The following PRMT9 variants were observed in gnomAD, a reference collection of about 807,000 sequenced individuals.
PRMT9 encodes protein arginine N-methyltransferase 9.
A neutral mutation model predicts 83.2 loss-of-function variants in PRMT9; 59 were observed. The ratio of observed to expected loss-of-function variants is 0.71; its 90% CI spans 0.57 to 0.88. The LOEUF is 0.88. PRMT9 is among the 40% of genes least tolerant of loss of function. The probability of loss-of-function intolerance (pLI) is 0.00; values close to 1 mark genes in which losing one functional copy is unlikely to be tolerated. For synonymous variants in PRMT9, 333 were observed against 353.2 expected (o/e 0.94, Z 0.64); for missense variants, 947 against 1,021.9 (o/e 0.93, Z 1.00).
chr4:147,658,962 G>A (rs578039751), intron 7 of PRMT9, among the ~76,000 whole-genome samples: 54 of 152,144 alleles, frequency 3.5e-4, no homozygotes, highest in African/African-American at 1.1e-3. Context: ...GACGGATCAC[G>A]AGGCCAGGAG....
Position 147,659,640 on chromosome 4 carries a change from G to A in PRMT9, c.1146+1206C>T, listed in dbSNP as rs368043422. 1.3e-4 allele frequency among the ~76,000 whole-genome samples: 19 copies of A among 141,122 alleles called. No homozygotes were observed. The East Asian group carries it at 3.0e-3, about 22-fold the overall frequency. 92.6% of individuals were successfully genotyped at this position (141,122 alleles called of 152,430 possible). Reference sequence around the variant, plus strand: ...GTTGCTCAGGCTGGGGTGCAATGGCGCAATTTTGGCTCATGCAAACTCCGC... The same window carrying A: ...GTTGCTCAGGCTGGGGTGCAATGGCACAATTTTGGCTCATGCAAACTCCGC... On this transcript the variant is annotated intron_variant, in intron 7 of 11. Coordinates refer to ENST00000322396, the MANE Select transcript of PRMT9 (RefSeq NM_138364.4).
In PRMT9 at chr4:147,654,554, T is replaced by C. The variant is rs148661515; in HGVS notation, c.1343A>G (p.Lys448Arg). ...TTCCATCATCACATGGTCTCCAGGC[T>C]TTATCCAGTAGTCTTCATTAAATAG... ...PVQDLADYWI[K>R]PGDHVMMEVS... Residue 448 changes from lysine (K) to arginine (R), a missense_variant, in exon 9 of 12, where the codon AAG becomes AGG. Lys to Arg is a conservative substitution (Grantham distance 26, BLOSUM62 2). Transcript: ENST00000322396. The C allele has an allele frequency of 3.7e-5, 60 of 1,610,066 alleles. No individual in the cohort carries two copies. The African/African-American group carries it at 6.5e-4, about 18-fold the overall frequency.
At chr4:147,659,403 A>AAAAAAAAAG (rs1464222388) in intron 7 of PRMT9, among the ~76,000 whole-genome samples, 1 of 150,406 alleles carries the variant, frequency 6.6e-6, no homozygotes, top group Non-Finnish European at 1.5e-5. Context: ...CTCTGTCTCA[A>AAAAAAAAAG]AAAAAAAAGA....
rs1224543414 is a variant in PRMT9, at chr4:147,684,032, G to A, written c.-45C>T. 2 of 1,582,854 alleles carry A rather than the reference G, an allele frequency of 1.3e-6. No homozygotes were observed. Among genetic ancestry groups the A allele is most frequent in the Admixed American group, 3.5e-5 (2 of 56,956 alleles). ...GCCAAAGGGAAGATATTTTGTAAAC[G>A]TAATTAGAAAACTCTCTCGATGCTA... On this transcript the variant is annotated 5_prime_UTR_variant, in exon 1 of 12. The change creates a new upstream start codon in the 5' untranslated region. Transcript: ENST00000322396.
chr4:147,638,218 G>T lies in PRMT9; in HGVS notation c.*314C>A. 3.2e-6 allele frequency: 1 copy of T among 313,700 alleles called. No individual in the cohort carries two copies. The highest frequency in any genetic ancestry group is 6.0e-6 in the Non-Finnish European group (1 of 166,080). 19.4% of individuals were successfully genotyped at this position (313,700 alleles called of 1,614,324 possible). On this transcript the variant is annotated 3_prime_UTR_variant, in exon 12 of 12. Coordinates refer to ENST00000322396, the MANE Select transcript of PRMT9 (RefSeq NM_138364.4). ...AAAAAAGGCCAAGATGCCTACAAAA[G>T]TAAAGTTTTGCTTTACTTACACATG...
At chr4:147,653,737 C>T in intron 9 of PRMT9, 115 bp downstream of exon 9, 1 of 735,358 alleles carries the variant, frequency 1.4e-6, no homozygotes, top group Non-Finnish European at 2.3e-6. Context: ...GCTTGAGGAG[C>T]ATACAGTGAT....
At chr4:147,679,052 A>C (rs1736283991) in intron 2 of PRMT9, among the ~76,000 whole-genome samples, 1 of 152,118 alleles carries the variant, frequency 6.6e-6, no homozygotes, top group South Asian at 2.1e-4. Flanking sequence ...TGCCAAATTC[A>C]CCCTTTTTTG....
intron 1 of PRMT9, 63 bp downstream of exon 1, chr4:147,683,736 T>TC: frequency 2.6e-4 from 146 of 557,560 alleles, no homozygotes; most frequent in East Asian, 5.3e-4. Context: ...TTTTTTTCTG[T>TC]TTTTTTTTTT....
intron 4 of PRMT9, among the ~76,000 whole-genome samples, chr4:147,672,720 T>C (rs1248955865): frequency 1.3e-5 from 2 of 152,168 alleles, no homozygotes; most frequent in Non-Finnish European, 2.9e-5. Flanking sequence ...TAAAGTAACT[T>C]GCTAAGATCA....
chr4:147,653,451 A>ATAT (rs201622904), intron 9 of PRMT9, among the ~76,000 whole-genome samples: 8 of 130,252 alleles, frequency 6.1e-5, no homozygotes, highest in African/African-American at 3.0e-4. Context: ...TTAAAAAAAA[A>ATAT]AAATATATAT....
Position 147,654,342 on chromosome 4 carries a change from T to C in PRMT9, c.1555A>G (p.Ile519Val), listed in dbSNP as rs149240722. The C allele has an allele frequency of 2.5e-6, 4 of 1,614,080 alleles. No homozygotes were observed. In the African/African-American group the frequency reaches 4.0e-5, roughly 16 times the overall value. The change falls in exon 9 of 12, where the codon ATA (isoleucine) becomes GTA (valine). Residue 519 changes from isoleucine (I) to valine (V), a missense_variant. Coordinates refer to ENST00000322396, the MANE Select transcript of PRMT9 (RefSeq NM_138364.4). ...SKPDAVEQTC[I>V]LESTEIALLN... ...AAAGCAATTTCTGTAGATTCCAATA[T>C]ACATGTCTGCTCTACAGCATCTGGT...
At chr4:147,669,928 C>T (rs1735618076) in intron 5 of PRMT9, among the ~76,000 whole-genome samples, 1 of 152,154 alleles carries the variant, frequency 6.6e-6, no homozygotes, top group African/African-American at 2.4e-5. Flanking sequence ...TACCTGAAAA[C>T]AGAACCAAAC....
At chr4:147,665,484 G>A (rs535479715) in intron 6 of PRMT9, among the ~76,000 whole-genome samples, 4 of 152,248 alleles carry the variant, frequency 2.6e-5, no homozygotes, top group African/African-American at 9.6e-5. Flanking sequence ...TTTGGCCAGT[G>A]GGAGAGTCTT....
intron 6 of PRMT9, among the ~76,000 whole-genome samples, chr4:147,665,240 A>G (rs1735247885): frequency 6.6e-6 from 1 of 152,092 alleles, no homozygotes; most frequent in Non-Finnish European, 1.5e-5. Context: ...GATCCTCATC[A>G]GATTTCCCTC....
Position 147,668,546 on chromosome 4 carries a change from G to C in PRMT9, c.946C>G (p.His316Asp), listed in dbSNP as rs750419549. The change falls in exon 6 of 12, where the codon CAT becomes GAT. Residue 316 changes from histidine (H) to aspartate (D), a missense_variant. His to Asp is a moderately conservative substitution (Grantham distance 81, BLOSUM62 -1). Coordinates refer to ENST00000322396, the MANE Select transcript of PRMT9 (RefSeq NM_138364.4). ...MAVECAEIRR[H>D]HRVGIKDIAG... The stretch of plus-strand genomic sequence containing the variant: ...ATGGACTAATACACTTACCTATGAT[G>C]TCTTCTTATCTCTGCACATTCTACT... 1.3e-6 allele frequency: 2 copies of C among 1,573,860 alleles called. No homozygotes were observed. Among genetic ancestry groups the C allele is most frequent in the Non-Finnish European group, 8.7e-7 (1 of 1,145,268 alleles).
intron 6 of PRMT9, among the ~76,000 whole-genome samples, chr4:147,667,992 CA>C (rs1560992545): frequency 5.8e-5 from 1 of 17,172 alleles, no homozygotes; most frequent in African/African-American, 9.2e-5. Flanking sequence ...TTAAAATAGG[CA>C]AAAAAAAAAA....
At chr4:147,678,499 G>C (rs537191938) in intron 2 of PRMT9, among the ~76,000 whole-genome samples, 1 of 152,326 alleles carries the variant, frequency 6.6e-6, no homozygotes, top group South Asian at 2.1e-4. Context: ...AGTTAACATA[G>C]CAGGCCTGAC....
At chr4:147,648,442 GC>G (rs1168171907) in intron 9 of PRMT9, among the ~76,000 whole-genome samples, 1 of 152,196 alleles carries the variant, frequency 6.6e-6, no homozygotes, top group African/African-American at 2.4e-5. Flanking sequence ...GGGCATGGAA[GC>G]CCCATGCCAC....
chr4:147,676,437 T>A (rs988967003), intron 2 of PRMT9, among the ~76,000 whole-genome samples: 1 of 152,222 alleles, frequency 6.6e-6, no homozygotes, highest in South Asian at 2.1e-4. Context: ...AAAAGATTTT[T>A]AAAAATATTT....
Sources: gnomAD v4.1 joint callset for allele counts (sites outside exome capture counted in the v4.1 genomes callset) on GRCh38, gnomAD v4.1.1 for gene constraint, MANE v1.5 for transcripts, NCBI Gene and HGNC (gene_info 2026-07-23, HGNC 2026-07-21) for gene names.